TMEM175: variants seen among roughly 807,000 people sequenced by gnomAD.
The protein encoded by TMEM175 is transmembrane protein 175.
Under a neutral mutation model 36.5 loss-of-function variants are expected in TMEM175, and 36 were observed. That is an observed-to-expected ratio of 0.99 (90% confidence interval 0.76 to 1.30). The LOEUF is 1.30. Among genes scored for constraint, TMEM175 ranks in the 50% most tolerant of loss-of-function variants. The pLI, the probability that TMEM175 is intolerant of heterozygous loss-of-function variation, is 0.00. For synonymous variants in TMEM175, 339 were observed against 313.4 expected, an observed-to-expected ratio of 1.08 and a Z score of -0.86; for missense variants, 705 against 692.8, an observed-to-expected ratio of 1.02 and a Z score of -0.20.
At chr4:936,510 C>T (rs1464945695) in intron 1 of TMEM175, among the ~76,000 whole-genome samples, 1 of 152,044 alleles carries the variant, frequency 6.6e-6, no homozygotes, top group Admixed American at 6.5e-5. Context: ...AAAGGCAAGA[C>T]ACAAATTACC....
Position 958,562 on chromosome 4 carries a change from AG to A in TMEM175, c.*70del. The A allele has an allele frequency of 7.3e-7, 1 of 1,364,166 alleles. No homozygotes were observed. The highest frequency in any genetic ancestry group is 9.7e-7 in the Non-Finnish European group (1 of 1,033,672). The allele number at this position is 1,364,166 out of a possible 1,614,324, so 84.5% of individuals were successfully genotyped here. ...GACCAGGGAGGACAGGATGCTGGGC[AG>A]GGGAAGCCAAGTCACGGGCAGGCCG... is the stretch of plus-strand genomic sequence containing the variant. On this transcript the variant is annotated 3_prime_UTR_variant, in exon 11 of 11. Coordinates refer to ENST00000264771, the MANE Select transcript of TMEM175 (RefSeq NM_032326.4).
chr4:957,821 C>T lies in TMEM175; in HGVS notation c.843-3C>T, dbSNP rs774501976. 2 of 1,600,536 alleles carry T rather than the reference C, an allele frequency of 1.2e-6. No individual in the cohort carries two copies. Among genetic ancestry groups the T allele is most frequent in the South Asian group, 2.3e-5 (2 of 88,866 alleles). On this transcript the variant is annotated splice_polypyrimidine_tract_variant and splice_region_variant and intron_variant, in intron 10 of 10. Coordinates refer to ENST00000264771, the MANE Select transcript of TMEM175 (RefSeq NM_032326.4). ...CACAAATGCATCTATTCACTGTTCT[C>T]AGCGAAGACAACGTCCCGGACCCCA...
In TMEM175 at chr4:958,071, G is replaced by T; in HGVS notation, c.1090G>T (p.Ala364Ser). 1 of 1,609,140 alleles carries T rather than the reference G, an allele frequency of 6.2e-7. No individual in the cohort carries two copies. Residue 364 changes from alanine to serine, a missense_variant, in exon 11 of 11, where the codon GCC (alanine) becomes TCC (serine). Coordinates refer to ENST00000264771, the MANE Select transcript of TMEM175 (RefSeq NM_032326.4). ...GLPLAYQQTSAFARQPRDELE... is the reference protein window; with the variant it reads ...GLPLAYQQTSSFARQPRDELE... ...CCCACTAGCCTACCAGCAGACCTCGGCCTTCGCCCGGCAGCCCCGCGATGA... is the reference window on the plus strand; with the variant it reads ...CCCACTAGCCTACCAGCAGACCTCGTCCTTCGCCCGGCAGCCCCGCGATGA...
chr4:952,510 GTGTGT>G, intron 7 of TMEM175, 60 bp downstream of exon 7: 2 of 1,360,556 alleles, frequency 1.5e-6, no homozygotes, highest in Non-Finnish European at 2.0e-6. Context: ...GTGTGTGTGT[GTGTGT>G]GTGATCACCA....
intron 1 of TMEM175, among the ~76,000 whole-genome samples, chr4:933,670 G>C (rs1456909559): frequency 6.6e-6 from 1 of 152,102 alleles, no homozygotes; most frequent in Non-Finnish European, 1.5e-5. Context: ...TACCTGCCTG[G>C]TTCCTATAGT....
intron 6 of TMEM175, 154 bp downstream of exon 6, chr4:951,871 G>C: frequency 2.5e-6 from 2 of 806,290 alleles, no homozygotes; most frequent in East Asian, 2.6e-5. Flanking sequence ...CTGTTGGGCT[G>C]TTGGGGGCTT....
At chr4:957,638 A>T (rs1729869082) in intron 10 of TMEM175, among the ~76,000 whole-genome samples, 186 bp from the exon 11 acceptor site, 1 of 152,236 alleles carries the variant, frequency 6.6e-6, no homozygotes, top group Non-Finnish European at 1.5e-5. Context: ...GATGAACAGC[A>T]CGTAACAGTC....
At chr4:951,458 C>T (rs1728877512) in intron 5 of TMEM175, among the ~76,000 whole-genome samples, 200 bp downstream of exon 5, 1 of 152,202 alleles carries the variant, frequency 6.6e-6, no homozygotes, top group Admixed American at 6.5e-5. Flanking sequence ...CAGACACAGC[C>T]AGGGTGTGGG....
In TMEM175 at chr4:947,723, C is replaced by G; in HGVS notation, c.-17C>G. On this transcript the variant is annotated 5_prime_UTR_variant, in exon 2 of 11. Transcript: ENST00000264771. ...TTTCCTCCCAGGCTCCTGTAACCGC[C>G]AGGCAGCGGCCCCGCCATGTCCCAG... The G allele has an allele frequency of 3.1e-6, 5 of 1,589,362 alleles. No individual in the cohort carries two copies. Among genetic ancestry groups the G allele is most frequent in the Non-Finnish European group, 4.3e-6 (5 of 1,166,630 alleles).
Position 958,454 on chromosome 4 carries a change from C to T in TMEM175, c.1473C>T (p.Gly491=), listed in dbSNP as rs1265723699. 6.3e-7 allele frequency: 1 copy of T among 1,577,514 alleles called. No individual in the cohort carries two copies. Among genetic ancestry groups the T allele is most frequent in the East Asian group, 2.3e-5 (1 of 43,834 alleles). ...AACACCCCCCGCCAGCCCCCACGGG[C>T]CAGGACGACCCACAGTCCCAGCTCC... is the stretch of plus-strand genomic sequence containing the variant. The part of the protein sequence containing the change: ...RPEHPPPAPT[G]QDDPQSQLLP... Residue 491 remains glycine, a synonymous_variant, in exon 11 of 11, where the codon GGC becomes GGT. Coordinates refer to ENST00000264771, the MANE Select transcript of TMEM175 (RefSeq NM_032326.4).
chr4:947,659 G>A (rs879767037), intron 1 of TMEM175, 50 bp from the exon 2 acceptor site: 250 of 1,489,350 alleles, frequency 1.7e-4, no homozygotes, highest in Non-Finnish European at 2.1e-4. Flanking sequence ...CTGCATGGCC[G>A]ACCTCCAGGA....
At chr4:940,332 C>G (rs1306343707) in intron 1 of TMEM175, among the ~76,000 whole-genome samples, 1 of 151,508 alleles carries the variant, frequency 6.6e-6, no homozygotes, top group Non-Finnish European at 1.5e-5. Context: ...CCTGTAATCC[C>G]AGCTACTCAG....
rs760510515 is a variant in TMEM175 at position 947,954 on chromosome 4, C to G, written c.153+62C>G. The G allele has an allele frequency of 3.7e-6, 6 of 1,612,638 alleles. No individual in the cohort carries two copies. In the South Asian group the frequency reaches 6.6e-5, roughly 18 times the overall value. On this transcript the variant is annotated intron_variant, in intron 2 of 10. Transcript: ENST00000264771. ...CGAGCCTCTCGAGGCACTGCCCAGC[C>G]CACCTCAGACCTGTCTAGGTCTTGC... is the stretch of plus-strand genomic sequence containing the variant.
intron 7 of TMEM175, among the ~76,000 whole-genome samples, chr4:952,831 G>T (rs1159255347): frequency 6.6e-6 from 1 of 151,784 alleles, no homozygotes; most frequent in Non-Finnish European, 1.5e-5. Context: ...CACAGGTAGG[G>T]TTCCTGAGGC....
chr4:952,309 C>A, intron 6 of TMEM175, 58 bp from the exon 7 acceptor site: 1 of 1,511,376 alleles, frequency 6.6e-7, no homozygotes, highest in Non-Finnish European at 9.1e-7. Context: ...CAGTTCCAGG[C>A]TCTGGGGCCT....
chr4:955,728 A>G, intron 9 of TMEM175, 27 bp from the exon 10 acceptor site: 1 of 1,606,696 alleles, frequency 6.2e-7, no homozygotes, highest in Non-Finnish European at 8.5e-7. Flanking sequence ...GGGTTTGGCC[A>G]GCTCCACCCT....
At chr4:953,802 C>T (rs1729273604) in intron 8 of TMEM175, among the ~76,000 whole-genome samples, 1 of 152,234 alleles carries the variant, frequency 6.6e-6, no homozygotes, top group Admixed American at 6.5e-5. Context: ...TCTCTCACCT[C>T]AGCCTCCCAA....
At chr4:942,366 G>A (rs940545663) in intron 1 of TMEM175, among the ~76,000 whole-genome samples, 7 of 151,988 alleles carry the variant, frequency 4.6e-5, no homozygotes, top group South Asian at 4.2e-4. Flanking sequence ...TGCCCGGCCC[G>A]AATTCATTCT....
chr4:955,361 G>C, intron 8 of TMEM175, 44 bp from the exon 9 acceptor site: 2 of 1,523,352 alleles, frequency 1.3e-6, no homozygotes, highest in Admixed American at 3.3e-5. Flanking sequence ...GCCTGGCCTC[G>C]GACCCCTGTG....
Sources: gnomAD v4.1 joint callset for allele counts (sites outside exome capture counted in the v4.1 genomes callset) on GRCh38, gnomAD v4.1.1 for gene constraint, MANE v1.5 for transcripts, NCBI Gene and HGNC (gene_info 2026-07-23, HGNC 2026-07-21) for gene names.